The following C8orf34 variants were observed in gnomAD, a reference collection of about 807,000 sequenced individuals.
The protein encoded by C8orf34 is chromosome 8 open reading frame 34, also known as uncharacterized protein C8orf34.
C8orf34 carries 65 observed loss-of-function variants against 68.3 expected under a neutral mutation model. The ratio of observed to expected loss-of-function variants is 0.95; its 90% CI spans 0.78 to 1.17. The LOEUF is 1.17. Among genes scored for constraint, C8orf34 ranks in the 50% most tolerant of loss-of-function variants. The pLI is 0.00. For missense variants in C8orf34, 664 were observed against 655.4 expected, an observed-to-expected ratio of 1.01 and a Z score of -0.14; for synonymous variants, 244 against 241.2, an observed-to-expected ratio of 1.01 and a Z score of -0.11.
At chr8:68,818,162 C>A (rs941862420) in intron 13 of C8orf34, 77 bp from the exon 14 acceptor site, 117 of 1,470,162 alleles carry the variant, frequency 8.0e-5, no homozygotes, top group Non-Finnish European at 1.0e-4. Context: ...ATTAAAATCA[C>A]AATTTTTCTT....
chr8:68,644,172 G>A (rs1055083342), intron 8 of C8orf34, among the ~76,000 whole-genome samples: 1 of 152,160 alleles, frequency 6.6e-6, no homozygotes, highest in African/African-American at 2.4e-5. Flanking sequence ...GGCATCACAG[G>A]AAAGAAAAGT....
intron 6 of C8orf34, among the ~76,000 whole-genome samples, chr8:68,531,429 C>T (rs541804425): frequency 4.6e-5 from 7 of 152,124 alleles, no homozygotes; most frequent in Non-Finnish European, 5.9e-5. Flanking sequence ...AGACTATGGG[C>T]CAGTTATCTT....
At chr8:68,399,674 C>T (rs1808864806) in intron 1 of C8orf34, among the ~76,000 whole-genome samples, 1 of 151,942 alleles carries the variant, frequency 6.6e-6, no homozygotes, top group South Asian at 2.1e-4. Context: ...GGGTAGATTC[C>T]CAGTAGTGGG....
intron 1 of C8orf34, among the ~76,000 whole-genome samples, chr8:68,433,389 C>T (rs910037175): frequency 6.6e-6 from 1 of 152,098 alleles, no homozygotes; most frequent in Non-Finnish European, 1.5e-5. Context: ...TAATAGAGTA[C>T]AATGCCCTGC....
intron 7 of C8orf34, among the ~76,000 whole-genome samples, chr8:68,633,443 T>G (rs1042248536): frequency 1.3e-5 from 2 of 152,232 alleles, no homozygotes; most frequent in Non-Finnish European, 2.9e-5. Flanking sequence ...CTTCTTAACA[T>G]TCTTCTCTCA....
chr8:68,678,381 T>C (rs1438675977), intron 8 of C8orf34, among the ~76,000 whole-genome samples: 2 of 152,128 alleles, frequency 1.3e-5, no homozygotes, highest in Non-Finnish European at 2.9e-5. Flanking sequence ...AGAAAGATCA[T>C]TCATCACAAT....
At position 68,725,247 on chromosome 8, in the gene C8orf34, A is replaced by G. The variant is rs189303517; in HGVS notation, c.1404+3810A>G. 1.6e-3 allele frequency among the ~76,000 whole-genome samples: 244 copies of G among 152,328 alleles called. 1 individual carries two copies. The highest frequency in any genetic ancestry group is 5.6e-3 in the African/African-American group (232 of 41,568). The stretch of plus-strand genomic sequence containing the variant: ...TGAAGATAATTAAGAAAGACCATTG[A>G]TAGTAAATGTCTTACTGACTTTTTT... On this transcript the variant is annotated intron_variant, in intron 10 of 13. Transcript: ENST00000518698.
intron 5 of C8orf34, among the ~76,000 whole-genome samples, chr8:68,508,414 A>G (rs1007945878): frequency 3.3e-5 from 5 of 152,174 alleles, no homozygotes; most frequent in Non-Finnish European, 7.3e-5. Context: ...CCCAAAATCA[A>G]TGGCATATAT....
intron 1 of C8orf34, among the ~76,000 whole-genome samples, chr8:68,396,232 A>T (rs1266690898): frequency 6.6e-6 from 1 of 152,102 alleles, no homozygotes; most frequent in Non-Finnish European, 1.5e-5. Flanking sequence ...ATACGATTTT[A>T]AAAAATGGCT....
At chr8:68,611,590 A>G (rs983472916) in intron 7 of C8orf34, among the ~76,000 whole-genome samples, 1 of 152,168 alleles carries the variant, frequency 6.6e-6, no homozygotes, top group African/African-American at 2.4e-5. Context: ...TGTAGTTGCT[A>G]GTCTTCAAAA....
intron 1 of C8orf34, among the ~76,000 whole-genome samples, chr8:68,352,598 G>A (rs954946346): frequency 3.9e-5 from 6 of 151,972 alleles, no homozygotes; most frequent in South Asian, 4.1e-4. Flanking sequence ...ACTCCTTTAC[G>A]CACATGATTG....
intron 7 of C8orf34, among the ~76,000 whole-genome samples, chr8:68,620,309 C>G (rs1818350050): frequency 6.6e-6 from 1 of 152,132 alleles, no homozygotes; most frequent in African/African-American, 2.4e-5. Flanking sequence ...GTGTGGCATC[C>G]CAGCCTAGGC....
intron 8 of C8orf34, among the ~76,000 whole-genome samples, chr8:68,707,077 G>A (rs1281078139): frequency 6.6e-6 from 1 of 152,098 alleles, no homozygotes; most frequent in East Asian, 1.9e-4. Context: ...AAAACAAAAA[G>A]CAATTTAACT....
chr8:68,753,928 G>A (rs1822778778), intron 10 of C8orf34, among the ~76,000 whole-genome samples: 1 of 152,090 alleles, frequency 6.6e-6, no homozygotes, highest in Non-Finnish European at 1.5e-5. Flanking sequence ...AGTCATTGGT[G>A]CCAAGCCCTT....
intron 3 of C8orf34, among the ~76,000 whole-genome samples, chr8:68,458,566 C>T (rs1811648932): frequency 6.6e-6 from 1 of 152,188 alleles, no homozygotes; most frequent in South Asian, 2.1e-4. Context: ...ATACAGATTG[C>T]AGATTAAAGA....
chr8:68,411,199 A>G (rs1317766184), intron 1 of C8orf34, among the ~76,000 whole-genome samples: 1 of 152,224 alleles, frequency 6.6e-6, no homozygotes, highest in African/African-American at 2.4e-5. Flanking sequence ...ATTCCACTAT[A>G]TTACATAAGA....
intron 1 of C8orf34, among the ~76,000 whole-genome samples, chr8:68,391,364 C>CT (rs141703981): frequency 0.041 from 6,267 of 152,058 alleles, 257 homozygotes; most frequent in African/African-American, 0.11. Flanking sequence ...GGAGATTGTC[C>CT]TTTTTTTACT....
intron 1 of C8orf34, among the ~76,000 whole-genome samples, chr8:68,390,079 G>C (rs904049283): frequency 6.6e-6 from 1 of 152,128 alleles, no homozygotes; most frequent in Admixed American, 6.6e-5. Context: ...TTTCAAATTT[G>C]AATGTGTTTT....
intron 10 of C8orf34, among the ~76,000 whole-genome samples, chr8:68,752,668 C>T (rs1291137336): frequency 2.0e-5 from 3 of 152,214 alleles, no homozygotes; most frequent in South Asian, 2.1e-4. Flanking sequence ...CAGCAAGCTT[C>T]GTTGTGGATG....
Sources: allele counts gnomAD v4.1 joint callset (sites outside exome capture counted in the v4.1 genomes callset), GRCh38; gene constraint gnomAD v4.1.1; transcripts MANE v1.5; gene names NCBI Gene and HGNC (gene_info 2026-07-23, HGNC 2026-07-21).